Variants in TRABD2B observed in about 807,000 individuals in gnomAD.
The protein encoded by TRABD2B is metalloprotease TIKI2.
TRABD2B carries 14 observed loss-of-function variants against 40.1 expected under a neutral mutation model. The ratio of observed to expected loss-of-function variants is 0.35; its 90% CI spans 0.23 to 0.55. The LOEUF (loss-of-function observed/expected upper bound fraction) is 0.55, where lower values mean the gene tolerates loss of function less well. TRABD2B is among the 20% of genes least tolerant of loss of function. The pLI is 0.90. For synonymous variants in TRABD2B, 263 were observed against 277.0 expected (o/e 0.95, Z 0.50); for missense variants, 541 against 648.6 (o/e 0.83, Z 1.80).
At chr1:47,925,683 T>G (rs72692160) in intron 2 of TRABD2B, among the ~76,000 whole-genome samples, 4,053 of 152,346 alleles carry the variant, frequency 0.027, 83 homozygotes, top group Non-Finnish European at 0.039. Flanking sequence ...GAGTAAGTGT[T>G]TCTCTCAGAG....
At chr1:47,772,685 C>T (rs1050785897) in intron 6 of TRABD2B, among the ~76,000 whole-genome samples, 2 of 152,110 alleles carry the variant, frequency 1.3e-5, no homozygotes, top group African/African-American at 4.8e-5. Context: ...CCCCAGGTCA[C>T]CCCCAGAGAG....
At chr1:47,903,539 G>A (rs1644632920) in intron 2 of TRABD2B, among the ~76,000 whole-genome samples, 1 of 152,132 alleles carries the variant, frequency 6.6e-6, no homozygotes, top group Non-Finnish European at 1.5e-5. Flanking sequence ...ACAGAGATGG[G>A]GTGAAGATTG....
chr1:47,966,314 C>T (rs933032088), intron 2 of TRABD2B, among the ~76,000 whole-genome samples: 9 of 152,182 alleles, frequency 5.9e-5, no homozygotes, highest in East Asian at 5.8e-4. Context: ...TATGGCCACA[C>T]GGCTGGGCTC....
intron 2 of TRABD2B, among the ~76,000 whole-genome samples, chr1:47,810,793 TG>T (rs919808023): frequency 6.6e-6 from 1 of 152,180 alleles, no homozygotes; most frequent in African/African-American, 2.4e-5. Context: ...GATCTGGACC[TG>T]GCACAGCCAC....
intron 2 of TRABD2B, among the ~76,000 whole-genome samples, chr1:47,975,071 G>A (rs190652942): frequency 1.2e-4 from 18 of 152,268 alleles, no homozygotes; most frequent in African/African-American, 3.8e-4. Context: ...ATAAGTAAAC[G>A]TGATACAGTA....
rs113339937 is a variant in TRABD2B at position 47,826,869 on chromosome 1, G to A, written c.667-25250C>T. On this transcript the variant is annotated intron_variant, in intron 2 of 6. Coordinates refer to ENST00000606738, the MANE Select transcript of TRABD2B (RefSeq NM_001194986.2). ...ATTACAGGTGTGAGCTACTGCGCCC[G>A]GCCTAGGGAGCCATTCTTGGAGAAG... Among the ~76,000 whole-genome samples the A allele has an allele frequency of 3.3e-3, 501 of 152,292 alleles. 7 individuals are homozygous for A. Among genetic ancestry groups the A allele is most frequent in the African/African-American group, 0.011 (461 of 41,542 alleles).
chr1:47,870,374 A>G (rs1644122984), intron 2 of TRABD2B, among the ~76,000 whole-genome samples: 1 of 152,160 alleles, frequency 6.6e-6, no homozygotes, highest in Admixed American at 6.5e-5. Flanking sequence ...GCTGCAGAAC[A>G]GTTTACACCT....
At chr1:47,993,385 C>G (rs746783323) in intron 2 of TRABD2B, among the ~76,000 whole-genome samples, 5 of 152,200 alleles carry the variant, frequency 3.3e-5, no homozygotes, top group Non-Finnish European at 5.9e-5. Flanking sequence ...TTCTGAGGTT[C>G]AGAAATCAGG....
intron 2 of TRABD2B, among the ~76,000 whole-genome samples, chr1:47,894,285 T>C (rs1204618387): frequency 1.3e-5 from 2 of 152,218 alleles, no homozygotes; most frequent in Non-Finnish European, 2.9e-5. Context: ...TGTGCTTCAA[T>C]TTCCGTATCT....
chr1:47,888,439 C>A (rs944975046), intron 2 of TRABD2B, among the ~76,000 whole-genome samples: 1 of 152,158 alleles, frequency 6.6e-6, no homozygotes, highest in African/African-American at 2.4e-5. Context: ...GGCTGTTCAC[C>A]CCATACAAGG....
chr1:47,961,690 G>A (rs1228492968), intron 2 of TRABD2B, among the ~76,000 whole-genome samples: 10 of 152,002 alleles, frequency 6.6e-5, no homozygotes, highest in Non-Finnish European at 8.8e-5. Context: ...TTAGAATGGC[G>A]ATCATTAAAA....
chr1:47,899,488 T>C (rs1339063806), intron 2 of TRABD2B, among the ~76,000 whole-genome samples: 1 of 152,176 alleles, frequency 6.6e-6, no homozygotes, highest in Non-Finnish European at 1.5e-5. Flanking sequence ...CTCCATTACA[T>C]ACAATGCCAC....
chr1:47,911,143 C>T lies in TRABD2B; in HGVS notation c.666+82891G>A, dbSNP rs568872300. On this transcript the variant is annotated intron_variant, in intron 2 of 6. Transcript: ENST00000606738. ...TAGAAATGTGTAATAGAAAGCCAGC[C>T]TACCTTTAGATTGAATCTGCATTCC... 9.2e-5 allele frequency among the ~76,000 whole-genome samples: 14 copies of T among 152,334 alleles called. No individual in the cohort carries two copies. The South Asian group carries it at 2.1e-3, about 23-fold the overall frequency.
rs1371018455 is a variant in TRABD2B, at chr1:47,996,697, C to A, written c.93G>T (p.Pro31=). ...GCAGGCGCTCGCTCACCGATCCGGG[C>A]GGCCGGCACTGTCCTCCGTCCGGGG... The part of the protein sequence containing the change: ...PQPPDGGQCR[P]PGSQRDLNSF... Residue 31 remains proline (P), a synonymous_variant, in exon 1 of 7, where the codon CCG becomes CCT. Coordinates refer to ENST00000606738, the MANE Select transcript of TRABD2B (RefSeq NM_001194986.2). This position sits in a 1 kb window ranked among gnomAD's most constrained non-coding sequence, Gnocchi z 4.6. The A allele has an allele frequency of 1.6e-6, 2 of 1,228,716 alleles. No homozygotes were observed. Among genetic ancestry groups the A allele is most frequent in the Admixed American group, 4.3e-5 (1 of 23,478 alleles). 76.1% of individuals were successfully genotyped at this position (1,228,716 alleles called of 1,614,324 possible).
chr1:47,937,596 G>C (rs1487866932), intron 2 of TRABD2B, among the ~76,000 whole-genome samples: 2 of 152,080 alleles, frequency 1.3e-5, no homozygotes, highest in East Asian at 3.9e-4. Flanking sequence ...AGAGTCAGAG[G>C]CAGGCCCTGA....
chr1:47,835,244 T>C (rs1043413262), intron 2 of TRABD2B, among the ~76,000 whole-genome samples: 8 of 152,114 alleles, frequency 5.3e-5, no homozygotes, highest in African/African-American at 1.9e-4. Flanking sequence ...TTATTCAGTC[T>C]GAGGAACAAA....
intron 2 of TRABD2B, among the ~76,000 whole-genome samples, chr1:47,983,304 G>A (rs912448687): frequency 6.6e-6 from 1 of 152,100 alleles, no homozygotes; most frequent in Non-Finnish European, 1.5e-5. Flanking sequence ...CACAAAGAAG[G>A]GAGCAACAGA....
At position 47,812,621 on chromosome 1, in the gene TRABD2B, A is replaced by G. The variant is rs116672879; in HGVS notation, c.667-11002T>C. ...GTAGTCCCAGCTACGCAGCAGGCTA[A>G]GGTGAGAGGATTGCCTGAGGCCAGG... On this transcript the variant is annotated intron_variant, in intron 2 of 6. Coordinates refer to ENST00000606738, the MANE Select transcript of TRABD2B (RefSeq NM_001194986.2). Among the ~76,000 whole-genome samples, 651 of 152,342 alleles carry G rather than the reference A, an allele frequency of 4.3e-3. 4 individuals are homozygous for G. The highest frequency in any genetic ancestry group is 0.015 in the African/African-American group (611 of 41,570).
chr1:47,988,371 G>T (rs915096307), intron 2 of TRABD2B, among the ~76,000 whole-genome samples: 3 of 152,194 alleles, frequency 2.0e-5, no homozygotes, highest in African/African-American at 7.2e-5. Flanking sequence ...CTCAGGTAAT[G>T]AATTCTCGGC....
Sources: gnomAD v4.1 joint callset for allele counts (sites outside exome capture counted in the v4.1 genomes callset) on GRCh38, gnomAD v4.1.1 for gene constraint, Gnocchi (gnomAD v3.1) non-coding constraint, MANE v1.5 for transcripts, NCBI Gene and HGNC (gene_info 2026-07-23, HGNC 2026-07-21) for gene names.